The following SLC24A3 variants were observed in gnomAD, a reference collection of about 807,000 sequenced individuals.
SLC24A3 encodes the protein sodium/potassium/calcium exchanger 3.
Under a neutral mutation model 75.8 loss-of-function variants are expected in SLC24A3, and 28 were observed. The observed-to-expected ratio is 0.37, with a 90% CI of 0.27 to 0.51. The LOEUF (loss-of-function observed/expected upper bound fraction) is 0.51. Ranked by LOEUF, SLC24A3 falls within the 20% of genes least tolerant of loss-of-function variation. The pLI, the probability that SLC24A3 is intolerant of heterozygous loss-of-function variation, is 0.94. For synonymous variants in SLC24A3, 372 were observed against 334.1 expected (o/e 1.11, Z -1.24); for missense variants, 663 against 847.8 (o/e 0.78, Z 2.71).
intron 2 of SLC24A3, among the ~76,000 whole-genome samples, chr20:19,416,534 G>T (rs527785765): frequency 4.2e-4 from 64 of 152,326 alleles, no homozygotes; most frequent in Middle Eastern, 3.4e-3. Flanking sequence ...GGACACCAGT[G>T]AGGAGAGTGG....
chr20:19,394,633 G>A (rs940945881), intron 2 of SLC24A3, among the ~76,000 whole-genome samples: 4 of 152,122 alleles, frequency 2.6e-5, no homozygotes. Context: ...CAGTCACTAG[G>A]GAAATGCAGA....
chr20:19,313,542 C>G (rs1040068446), intron 2 of SLC24A3, among the ~76,000 whole-genome samples: 3 of 152,214 alleles, frequency 2.0e-5, no homozygotes, highest in Non-Finnish European at 4.4e-5. Context: ...TAGGCTGGAA[C>G]CCAGCCTGTT....
intron 2 of SLC24A3, among the ~76,000 whole-genome samples, chr20:19,336,478 C>T (rs543594667): frequency 1.1e-4 from 17 of 152,114 alleles, no homozygotes; most frequent in Admixed American, 3.3e-4. Context: ...CTCCGCCTCC[C>T]GGGTTCAAGC....
intron 6 of SLC24A3, among the ~76,000 whole-genome samples, chr20:19,651,087 T>A (rs1023016522): frequency 8.5e-5 from 13 of 152,144 alleles, no homozygotes; most frequent in African/African-American, 2.9e-4. Flanking sequence ...TAGATTCTGG[T>A]TGCTTGGTAT....
In SLC24A3 at chr20:19,696,017, T is replaced by TTTC. The variant is rs1473846906; in HGVS notation, c.1492-778_1492-777insCTT. 2.6e-3 allele frequency among the ~76,000 whole-genome samples: 355 copies of TTTC among 134,054 alleles called. 4 individuals carry two copies. Among genetic ancestry groups the TTTC allele is most frequent in the Middle Eastern group, 3.6e-3 (1 of 280 alleles). 87.9% of individuals were successfully genotyped at this position (134,054 alleles called of 152,430 possible). On this transcript the variant is annotated intron_variant, in intron 13 of 16. Coordinates refer to ENST00000328041, the MANE Select transcript of SLC24A3 (RefSeq NM_020689.4). ...GGCTTTCCCCTTTTTTTCCTTTTCT[T>TTTC]TTTTTTTTTTTTTTTTGTGAGACAG...
intron 2 of SLC24A3, among the ~76,000 whole-genome samples, chr20:19,453,472 C>A (rs1375253718): frequency 6.6e-6 from 1 of 152,156 alleles, no homozygotes; most frequent in African/African-American, 2.4e-5. Flanking sequence ...TTGGTGGAGA[C>A]AAGGAACATA....
intron 2 of SLC24A3, among the ~76,000 whole-genome samples, chr20:19,473,950 G>C (rs1012469170): frequency 3.3e-5 from 5 of 152,248 alleles, no homozygotes; most frequent in Admixed American, 3.3e-4. Flanking sequence ...CTGTCTGGAT[G>C]CTGAATTGTC....
At chr20:19,602,325 A>T (rs2031537694) in intron 6 of SLC24A3, among the ~76,000 whole-genome samples, 1 of 152,158 alleles carries the variant, frequency 6.6e-6, no homozygotes, top group Non-Finnish European at 1.5e-5. Context: ...CATTTTACAG[A>T]TGAAAAATCA....
intron 2 of SLC24A3, among the ~76,000 whole-genome samples, chr20:19,300,654 C>G (rs1984173086): frequency 6.6e-6 from 1 of 152,160 alleles, no homozygotes; most frequent in Non-Finnish European, 1.5e-5. Flanking sequence ...TCTCCACTGT[C>G]CATCACTCAC....
At chr20:19,623,644 A>G (rs1291091002) in intron 6 of SLC24A3, among the ~76,000 whole-genome samples, 13 of 152,208 alleles carry the variant, frequency 8.5e-5, no homozygotes, top group Admixed American at 6.5e-4. Flanking sequence ...CTCAATAACC[A>G]TATGTGTTTA....
chr20:19,665,369 CA>C (rs145420601), intron 7 of SLC24A3, among the ~76,000 whole-genome samples: 50 of 150,308 alleles, frequency 3.3e-4, no homozygotes, highest in East Asian at 1.4e-3. Context: ...TTTAAGGAAA[CA>C]AAAAAAAATC....
At chr20:19,676,182 A>T (rs929100044) in intron 9 of SLC24A3, among the ~76,000 whole-genome samples, 2 of 152,248 alleles carry the variant, frequency 1.3e-5, no homozygotes, top group African/African-American at 4.8e-5. Flanking sequence ...GCTGGCATGC[A>T]TCTTATAGCC....
chr20:19,546,138 G>A (rs1416712475), intron 3 of SLC24A3, among the ~76,000 whole-genome samples: 16 of 108,404 alleles, frequency 1.5e-4, no homozygotes, highest in Middle Eastern at 9.8e-3. Context: ...CAGCCTGGGC[G>A]ACAGAGCGAG....
At chr20:19,293,655 CAAA>C (rs760339037) in intron 2 of SLC24A3, among the ~76,000 whole-genome samples, 10 of 57,778 alleles carry the variant, frequency 1.7e-4, no homozygotes, top group Admixed American at 3.2e-4. Flanking sequence ...AACTTCGTCT[CAAA>C]AAAAAAAAAA....
chr20:19,472,460 T>A (rs1987891539), intron 2 of SLC24A3, among the ~76,000 whole-genome samples: 2 of 152,228 alleles, frequency 1.3e-5, no homozygotes, highest in South Asian at 4.1e-4. Context: ...AGATTTTTGA[T>A]AATGACAATG....
intron 2 of SLC24A3, among the ~76,000 whole-genome samples, chr20:19,454,228 T>G (rs1332392944): frequency 1.3e-5 from 2 of 152,124 alleles, no homozygotes; most frequent in African/African-American, 4.8e-5. Flanking sequence ...AGTCAAACTG[T>G]CATCAGAGTA....
chr20:19,644,925 T>C (rs2032117585), intron 6 of SLC24A3, among the ~76,000 whole-genome samples: 1 of 152,200 alleles, frequency 6.6e-6, no homozygotes. Flanking sequence ...CTAAGCACTT[T>C]TATCTAGCAT....
intron 11 of SLC24A3, among the ~76,000 whole-genome samples, chr20:19,684,764 T>C (rs994999130): frequency 2.6e-5 from 4 of 152,190 alleles, no homozygotes; most frequent in African/African-American, 9.7e-5. Flanking sequence ...AACACAGTTG[T>C]GCAGCTTTCT....
At chr20:19,378,858 T>C (rs1045219796) in intron 2 of SLC24A3, among the ~76,000 whole-genome samples, 3 of 151,158 alleles carry the variant, frequency 2.0e-5, no homozygotes, top group Admixed American at 2.0e-4. Flanking sequence ...ATGCAATTGG[T>C]ATCACCTAAG....
Sources: allele counts gnomAD v4.1 joint callset (sites outside exome capture counted in the v4.1 genomes callset), GRCh38; gene constraint gnomAD v4.1.1; transcripts MANE v1.5; gene names NCBI Gene and HGNC (gene_info 2026-07-23, HGNC 2026-07-21).